Variants in TBC1D22A observed in about 807,000 individuals in gnomAD.
TBC1D22A encodes the protein TBC1 domain family member 22A.
A neutral mutation model predicts 60.2 loss-of-function variants in TBC1D22A; 38 were observed. The observed-to-expected ratio is 0.63, with a 90% CI of 0.49 to 0.83. The LOEUF (loss-of-function observed/expected upper bound fraction) is 0.83, where lower values mean the gene tolerates loss of function less well. Among genes scored for constraint, TBC1D22A ranks in the 40% least tolerant of loss-of-function variants. The pLI is 0.00. For synonymous variants in TBC1D22A, 302 were observed against 281.7 expected (o/e 1.07, Z -0.72); for missense variants, 628 against 701.0 (o/e 0.90, Z 1.18).
Position 46,913,184 on chromosome 22 carries a change from C to T in TBC1D22A, c.1015+996C>T, listed in dbSNP as rs925927665. On this transcript the variant is annotated intron_variant, in intron 8 of 12. Coordinates refer to ENST00000337137, the MANE Select transcript of TBC1D22A (RefSeq NM_014346.5). ...AACCTCTGATAATAAAAGTGAGGAT[C>T]TGCTTTTTAATGCGTCTATGGATAA... 3.4e-5 allele frequency: 13 copies of T among 382,766 alleles called. No individual in the cohort carries two copies. In the East Asian group the frequency reaches 6.1e-4, roughly 18 times the overall value. The allele number at this position is 382,766 out of a possible 1,614,324, so 23.7% of individuals were successfully genotyped here.
rs2083141921 is a variant in TBC1D22A at position 46,762,749 on chromosome 22, G to C, written c.-38G>C. On this transcript the variant is annotated 5_prime_UTR_variant, in exon 1 of 13. Coordinates refer to ENST00000337137, the MANE Select transcript of TBC1D22A (RefSeq NM_014346.5). ...CTAGGGGAGGGCCGGGTGCACTCGG[G>C]GTGTCTGGGCCGCGGGTCTGAGGGA... 7.1e-7 allele frequency: 1 copy of C among 1,412,976 alleles called. No homozygotes were observed. 87.5% of individuals were successfully genotyped at this position (1,412,976 alleles called of 1,614,324 possible). A position where few individuals can be genotyped will look rare whatever the true frequency, so the allele number is the denominator to read the frequency against.
At chr22:47,120,154 C>T (rs1158116249) in intron 12 of TBC1D22A, among the ~76,000 whole-genome samples, 2 of 152,190 alleles carry the variant, frequency 1.3e-5, no homozygotes, top group Admixed American at 6.5e-5. Context: ...TATCAATAAA[C>T]CAGAGGCCCT....
At chr22:46,908,612 AAGT>A (rs1203007736) in intron 7 of TBC1D22A, among the ~76,000 whole-genome samples, 12 of 152,256 alleles carry the variant, frequency 7.9e-5, no homozygotes, top group Admixed American at 7.8e-4. Flanking sequence ...TTTTTCCTCA[AAGT>A]AATACAAGCG....
At chr22:46,979,964 T>C (rs1318947974) in intron 9 of TBC1D22A, among the ~76,000 whole-genome samples, 1 of 151,894 alleles carries the variant, frequency 6.6e-6, no homozygotes, top group African/African-American at 2.4e-5. Flanking sequence ...GGAAGAGGCA[T>C]CTGCAGATGA....
At chr22:46,830,903 C>G (rs139599) in intron 4 of TBC1D22A, among the ~76,000 whole-genome samples, 72,114 of 151,822 alleles carry the variant, frequency 0.47, 17,520 homozygotes, top group African/African-American at 0.59. Flanking sequence ...AGTGGGGATG[C>G]TGAAGAAAGA....
At chr22:46,967,244 CAA>C (rs1214161256) in intron 8 of TBC1D22A, among the ~76,000 whole-genome samples, 1 of 152,172 alleles carries the variant, frequency 6.6e-6, no homozygotes, top group Non-Finnish European at 1.5e-5. Flanking sequence ...TTTGCTGAAC[CAA>C]AGAGTTTGGC....
intron 1 of TBC1D22A, among the ~76,000 whole-genome samples, chr22:46,783,676 G>A (rs1010336417): frequency 6.6e-6 from 1 of 152,062 alleles, no homozygotes; most frequent in African/African-American, 2.4e-5. Flanking sequence ...ATGCCACACT[G>A]TCAACTTGCT....
chr22:46,993,461 G>C (rs772803442), intron 9 of TBC1D22A, among the ~76,000 whole-genome samples: 2 of 152,310 alleles, frequency 1.3e-5, no homozygotes, highest in Middle Eastern at 6.8e-3. Context: ...TTTATGAAGG[G>C]AATAATGTTA....
At chr22:46,947,421 G>C (rs751718169) in intron 8 of TBC1D22A, among the ~76,000 whole-genome samples, 1 of 152,174 alleles carries the variant, frequency 6.6e-6, no homozygotes, top group Non-Finnish European at 1.5e-5. Flanking sequence ...AAAGGTGGAC[G>C]GTTGGACGTT....
At chr22:47,105,584 A>ACCC (rs968885703) in intron 11 of TBC1D22A, among the ~76,000 whole-genome samples, 7 of 152,150 alleles carry the variant, frequency 4.6e-5, no homozygotes, top group African/African-American at 1.7e-4. Context: ...GAAAGAAAGA[A>ACCC]CCCTCCCCTT....
chr22:47,112,514 T>G (rs1219271750), intron 12 of TBC1D22A, among the ~76,000 whole-genome samples: 6 of 152,250 alleles, frequency 3.9e-5, no homozygotes, highest in Admixed American at 3.9e-4. Context: ...TGGCAGAGGC[T>G]CCAAGCATCC....
intron 10 of TBC1D22A, among the ~76,000 whole-genome samples, chr22:47,011,437 G>T (rs1202574136): frequency 6.6e-6 from 1 of 152,232 alleles, no homozygotes; most frequent in Non-Finnish European, 1.5e-5. Context: ...CCCTTTTGAA[G>T]TGAGGAGTGG....
At chr22:47,148,765 C>T (rs1340564205) in intron 12 of TBC1D22A, among the ~76,000 whole-genome samples, 1 of 151,964 alleles carries the variant, frequency 6.6e-6, no homozygotes, top group East Asian at 1.9e-4. Flanking sequence ...GGTTCTTCTC[C>T]TGGGGTCCCT....
At chr22:47,140,453 G>A (rs952468875) in intron 12 of TBC1D22A, among the ~76,000 whole-genome samples, 7 of 151,922 alleles carry the variant, frequency 4.6e-5, no homozygotes, top group African/African-American at 1.7e-4. Flanking sequence ...CAGCTACTGG[G>A]GAGGCTGAGG....
intron 4 of TBC1D22A, among the ~76,000 whole-genome samples, chr22:46,850,585 AC>A (rs763882159): frequency 9.2e-5 from 14 of 152,228 alleles, no homozygotes; most frequent in Non-Finnish European, 1.5e-4. Context: ...GTGAGAATGT[AC>A]GGTGACGCAG....
At chr22:47,138,483 A>G (rs1311434512) in intron 12 of TBC1D22A, among the ~76,000 whole-genome samples, 1 of 152,152 alleles carries the variant, frequency 6.6e-6, no homozygotes, top group Non-Finnish European at 1.5e-5. Context: ...CCTTCTGGAG[A>G]AGTGAAGCTG....
chr22:47,090,347 G>T (rs2064872667), intron 11 of TBC1D22A, among the ~76,000 whole-genome samples: 1 of 152,258 alleles, frequency 6.6e-6, no homozygotes, highest in Admixed American at 6.5e-5. Context: ...GACAGACGGG[G>T]CGTCTTGGAG....
At chr22:46,798,799 G>C (rs1332808974) in intron 4 of TBC1D22A, among the ~76,000 whole-genome samples, 2 of 152,254 alleles carry the variant, frequency 1.3e-5, no homozygotes, top group Non-Finnish European at 2.9e-5. Context: ...GGCGCACGCG[G>C]ATGGGCCGCC....
chr22:46,826,874 C>T (rs1450988788), intron 4 of TBC1D22A, among the ~76,000 whole-genome samples: 3 of 152,066 alleles, frequency 2.0e-5, no homozygotes. Flanking sequence ...CAGGACGGTT[C>T]CTGGCTTGCA....
Sources: allele counts gnomAD v4.1 joint callset (sites outside exome capture counted in the v4.1 genomes callset), GRCh38; gene constraint gnomAD v4.1.1; transcripts MANE v1.5; gene names NCBI Gene and HGNC (gene_info 2026-07-23, HGNC 2026-07-21).